Variants in GNPTAB observed in about 807,000 individuals in gnomAD.
The protein encoded by GNPTAB is N-acetylglucosamine-1-phosphate transferase subunits alpha and beta, also known as N-acetylglucosamine-1-phosphotransferase subunits alpha/beta.
In GNPTAB, 92 loss-of-function variants were observed where a neutral mutation model predicts 136.6. That is an observed-to-expected ratio of 0.67 (90% CI 0.57 to 0.80). The LOEUF (loss-of-function observed/expected upper bound fraction) is 0.80, where lower values mean the gene tolerates loss of function less well. Ranked by LOEUF, GNPTAB falls within the 30% of genes least tolerant of loss-of-function variation. The probability of loss-of-function intolerance (pLI) is 0.00; values close to 1 mark genes in which losing one functional copy is unlikely to be tolerated. For synonymous variants in GNPTAB, 512 were observed against 535.1 expected, an observed-to-expected ratio of 0.96 and a Z score of 0.60; for missense variants, 1,343 against 1,501.8, an observed-to-expected ratio of 0.89 and a Z score of 1.75.
intron 12 of GNPTAB, chr12:101,765,800 A>G (rs1953082242): frequency 2.4e-6 from 1 of 409,460 alleles, no homozygotes; most frequent in African/African-American, 2.0e-5. Context: ...AATTATTGAT[A>G]TCCTTTTTTG....
rs576423638 is a variant in GNPTAB at position 101,775,288 on chromosome 12, G to A, written c.772-4131C>T. Among the ~76,000 whole-genome samples, 123 of 152,070 alleles carry A rather than the reference G, an allele frequency of 8.1e-4. 1 individual carries two copies. In the South Asian group the frequency reaches 0.011, roughly 13 times the overall value. On this transcript the variant is annotated intron_variant, in intron 7 of 20. Coordinates refer to ENST00000299314, the MANE Select transcript of GNPTAB (RefSeq NM_024312.5). ...AAATCTGTTAGGAAAAAAACCCCAC[G>A]TCTGCTAAGACCAACTGAAAACCAA...
At chr12:101,814,639 G>T (rs1251139324) in intron 1 of GNPTAB, among the ~76,000 whole-genome samples, 1 of 152,036 alleles carries the variant, frequency 6.6e-6, no homozygotes, top group Admixed American at 6.6e-5. Context: ...GGAGGTTCTA[G>T]TGAGCCGGGA....
At position 101,789,980 on chromosome 12, in the gene GNPTAB, T is replaced by A. The variant is rs759262102; in HGVS notation, c.281A>T (p.Gln94Leu). 6.2e-7 allele frequency: 1 copy of A among 1,614,242 alleles called. No homozygotes were observed. Among genetic ancestry groups the A allele is most frequent in the Non-Finnish European group, 8.5e-7 (1 of 1,180,042 alleles). ...GTDLELLKEL[Q>L]QVREQMEEEQ... ...CTCCTCCATCTGTTCTCTGACCTGCTGTAGTTCCTTCAGTAGTTCAAGATC... is the reference window on the plus strand; with the variant it reads ...CTCCTCCATCTGTTCTCTGACCTGCAGTAGTTCCTTCAGTAGTTCAAGATC... The change falls in exon 3 of 21, where the codon CAG (glutamine) becomes CTG (leucine). Residue 94 changes from glutamine (Q) to leucine (L), a missense_variant. By Grantham distance (113) the Gln-to-Leu change is moderately radical. Coordinates refer to ENST00000299314, the MANE Select transcript of GNPTAB (RefSeq NM_024312.5).
chr12:101,815,237 T>C lies in GNPTAB; in HGVS notation c.117+15322A>G, dbSNP rs73394437. Among the ~76,000 whole-genome samples the C allele has an allele frequency of 3.7e-3, 563 of 152,194 alleles. 5 individuals are homozygous for C. The highest frequency in any genetic ancestry group is 0.012 in the African/African-American group (519 of 41,530). On this transcript the variant is annotated intron_variant, in intron 1 of 20. Coordinates refer to ENST00000299314, the MANE Select transcript of GNPTAB (RefSeq NM_024312.5). ...GGCATGCCACTATGCTGGCTAATTT[T>C]GGATTTTGTAGAGATGGGGTTTCAC...
At chr12:101,752,527 C>G (rs973007944) in intron 19 of GNPTAB, among the ~76,000 whole-genome samples, 2 of 152,242 alleles carry the variant, frequency 1.3e-5, no homozygotes, top group Non-Finnish European at 2.9e-5. Flanking sequence ...TGTTGAAGTA[C>G]TGAATGAAAT....
At chr12:101,794,927 A>G (rs181605684) in intron 2 of GNPTAB, among the ~76,000 whole-genome samples, 30 of 152,284 alleles carry the variant, frequency 2.0e-4, no homozygotes, top group African/African-American at 7.2e-4. Flanking sequence ...ATTAATTTTT[A>G]AAATCAATTT....
chr12:101,790,171 A>C, intron 2 of GNPTAB, 114 bp from the exon 3 acceptor site: 1 of 1,396,186 alleles, frequency 7.2e-7, no homozygotes, highest in Non-Finnish European at 1.0e-6. Context: ...TGAAGAAGTA[A>C]TCCAACCATG....
At chr12:101,790,773 A>G (rs1461379130) in intron 2 of GNPTAB, among the ~76,000 whole-genome samples, 2 of 151,602 alleles carry the variant, frequency 1.3e-5, no homozygotes, top group Non-Finnish European at 2.9e-5. Flanking sequence ...ATTACAAAAA[A>G]AGTTATCAAA....
At chr12:101,757,750 C>A in intron 16 of GNPTAB, 93 bp from the exon 17 acceptor site, 1 of 753,402 alleles carries the variant, frequency 1.3e-6, no homozygotes, top group South Asian at 1.4e-5. Flanking sequence ...AACTTTGATT[C>A]TATGCTCTCT....
chr12:101,756,966 C>T (rs1180280083), intron 18 of GNPTAB: 7 of 445,998 alleles, frequency 1.6e-5, no homozygotes, highest in Non-Finnish European at 2.8e-5. Context: ...GCGATCTGTC[C>T]CTGGGTCTCT....
chr12:101,771,182 C>A (rs1431703234), intron 7 of GNPTAB, 25 bp from the exon 8 acceptor site: 1 of 1,595,832 alleles, frequency 6.3e-7, no homozygotes, highest in African/African-American at 1.3e-5. Context: ...GAGGATTACA[C>A]ATGAAAAGAC....
In GNPTAB at chr12:101,757,614, G is replaced by T; in HGVS notation, c.3293C>A (p.Thr1098Asn). 1 of 1,589,402 alleles carries T rather than the reference G, an allele frequency of 6.3e-7. No homozygotes were observed. The highest frequency in any genetic ancestry group is 8.6e-7 in the Non-Finnish European group (1 of 1,157,804). The change falls in exon 17 of 21, where the codon ACT becomes AAT. Residue 1098 changes from threonine (T) to asparagine (N), a missense_variant. Thr to Asn is a moderately conservative substitution (Grantham distance 65, BLOSUM62 0). Transcript: ENST00000299314. ...KSLVTNCKPV[T>N]DKIHKAYKDK... is the part of the protein sequence containing the mutation. Reference sequence around the variant, plus strand: ...CTTATATGCTTTGTGGATTTTGTCAGTTACTGGTTTACAGTTTGTTACTAG... The same window carrying T: ...CTTATATGCTTTGTGGATTTTGTCATTTACTGGTTTACAGTTTGTTACTAG...
intron 1 of GNPTAB, among the ~76,000 whole-genome samples, chr12:101,804,294 A>G (rs778660482): frequency 5.3e-5 from 8 of 152,158 alleles, no homozygotes; most frequent in African/African-American, 9.7e-5. Flanking sequence ...AAAGAAAACA[A>G]AAAGAACCCT....
chr12:101,821,031 C>T (rs540927569), intron 1 of GNPTAB, among the ~76,000 whole-genome samples: 12 of 137,052 alleles, frequency 8.8e-5, no homozygotes, highest in African/African-American at 3.1e-4. Flanking sequence ...GCACTCCAGA[C>T]TGGGCGGCAG....
In GNPTAB at chr12:101,830,713, AGCC is replaced by A. The variant is rs76300806; in HGVS notation, c.-41_-39del. The A allele has an allele frequency of 0.49, 515,133 of 1,044,528 alleles. 147,324 individuals carry two copies. Among genetic ancestry groups the A allele is most frequent in the East Asian group, 0.84 (29,621 of 35,332 alleles). 64.7% of individuals were successfully genotyped at this position (1,044,528 alleles called of 1,614,324 possible). On this transcript the variant is annotated 5_prime_UTR_variant, in exon 1 of 21. Transcript: ENST00000299314. ...GCCACGCCACGCCCCGAGGAGCCTG[AGCC>A]GCCGCCGCCGCCGCCGCCGCCTCAG... is the stretch of plus-strand genomic sequence containing the variant.
intron 7 of GNPTAB, among the ~76,000 whole-genome samples, chr12:101,775,057 A>G (rs745836770): frequency 1.3e-5 from 2 of 152,216 alleles, no homozygotes; most frequent in Admixed American, 6.5e-5. Context: ...CCTACAATAC[A>G]TAGGACAGTC....
At chr12:101,813,036 T>C (rs1870322360) in intron 1 of GNPTAB, among the ~76,000 whole-genome samples, 1 of 151,658 alleles carries the variant, frequency 6.6e-6, no homozygotes, top group African/African-American at 2.4e-5. Context: ...TTTCACTATG[T>C]TGCCCAGGCT....
rs1276111042 is a variant in GNPTAB, at chr12:101,809,293, G to A, written c.118-12531C>T. Among the ~76,000 whole-genome samples the A allele has an allele frequency of 5.3e-5, 8 of 152,184 alleles. No individual in the cohort carries two copies. The East Asian group carries it at 7.7e-4, about 15-fold the overall frequency. On this transcript the variant is annotated intron_variant, in intron 1 of 20. Coordinates refer to ENST00000299314, the MANE Select transcript of GNPTAB (RefSeq NM_024312.5). ...TCCAAAACACTGACAACACCAAGCC[G>A]GGAAAGATGTGAAGCAACAGGAATT... is the stretch of plus-strand genomic sequence containing the variant.
chr12:101,771,259 T>A (rs904890011), intron 7 of GNPTAB, 102 bp from the exon 8 acceptor site: 1 of 1,060,066 alleles, frequency 9.4e-7, no homozygotes, highest in Non-Finnish European at 1.4e-6. Context: ...TTTTTTTTTT[T>A]TTTGAGACAC....
Sources: allele counts gnomAD v4.1 joint callset (sites outside exome capture counted in the v4.1 genomes callset), GRCh38; gene constraint gnomAD v4.1.1; transcripts MANE v1.5; gene names NCBI Gene and HGNC (gene_info 2026-07-23, HGNC 2026-07-21).